TTC39A: variants seen among roughly 807,000 people sequenced by gnomAD.
The protein encoded by TTC39A is tetratricopeptide repeat protein 39A.
Under a neutral mutation model 82.3 loss-of-function variants are expected in TTC39A, and 46 were observed. The observed-to-expected ratio is 0.56, with a 90% CI of 0.44 to 0.71. The LOEUF is 0.71. TTC39A is among the 30% of genes least tolerant of loss of function. TTC39A has a pLI of 0.00. For synonymous variants in TTC39A, 254 were observed against 275.2 expected (o/e 0.92, Z 0.76); for missense variants, 543 against 712.9 (o/e 0.76, Z 2.71).
intron 1 of TTC39A, chr1:51,344,873 G>T: frequency 7.7e-7 from 1 of 1,293,206 alleles, no homozygotes. Flanking sequence ...ACGCCCAGCA[G>T]CCACACACCC....
intron 12 of TTC39A, chr1:51,301,354 C>T (rs1302070514): frequency 1.8e-6 from 1 of 549,334 alleles, no homozygotes; most frequent in African/African-American, 1.9e-5. Context: ...AGCCATGTTT[C>T]TGTCCTTTGT....
intron 3 of TTC39A, among the ~76,000 whole-genome samples, chr1:51,312,461 C>A (rs906267095): frequency 1.3e-5 from 2 of 152,192 alleles, no homozygotes; most frequent in Admixed American, 6.5e-5. Flanking sequence ...TCCTGGTCAA[C>A]CCGCTTCCTG....
In TTC39A at chr1:51,288,816, G is replaced by T; in HGVS notation, c.1610+23C>A. The T allele has an allele frequency of 6.3e-7, 1 of 1,575,456 alleles. No individual in the cohort carries two copies. Among genetic ancestry groups the T allele is most frequent in the Non-Finnish European group, 8.6e-7 (1 of 1,159,124 alleles). ...CTGAGTTCAGAGGGAGCAAAGGACA[G>T]ACTGAGGTTACCCAAGCCTTACTTG... On this transcript the variant is annotated intron_variant, in intron 17 of 17. Coordinates refer to ENST00000680483, the MANE Select transcript of TTC39A (RefSeq NM_001297663.2). This position sits in a 1 kb window ranked among gnomAD's most constrained non-coding sequence, Gnocchi z 4.8.
chr1:51,311,099 G>A (rs1228418813), intron 5 of TTC39A, among the ~76,000 whole-genome samples, 155 bp downstream of exon 5: 1 of 152,252 alleles, frequency 6.6e-6, no homozygotes, highest in African/African-American at 2.4e-5. Flanking sequence ...CCCGCCAGGG[G>A]CAGGAGTGTG....
upstream of TTC39A, chr1:51,335,085 C>T (rs1041330606): frequency 2.0e-5 from 3 of 152,294 alleles, no homozygotes; most frequent in Non-Finnish European, 4.4e-5. Context: ...TGCCTTCCTC[C>T]TGTCAGGAGA....
intron 14 of TTC39A, among the ~76,000 whole-genome samples, chr1:51,292,137 T>A (rs1313734335): frequency 6.6e-6 from 1 of 151,902 alleles, no homozygotes; most frequent in Non-Finnish European, 1.5e-5. Flanking sequence ...TGAGCTGATA[T>A]CACCACTACA....
At chr1:51,330,763 C>T, upstream of TTC39A, 1 of 464,044 alleles carries the variant, frequency 2.2e-6, no homozygotes, top group Non-Finnish European at 3.2e-6. The surrounding 1 kb of genome is among the most constrained non-coding windows in gnomAD (Gnocchi z 4.5). Flanking sequence ...GCGCAGACAC[C>T]GCCCGGGCCG....
At chr1:51,341,243 T>C (rs967030453) in intron 1 of TTC39A, among the ~76,000 whole-genome samples, 1 of 130,194 alleles carries the variant, frequency 7.7e-6, no homozygotes, top group African/African-American at 3.0e-5. Context: ...CCCAGAGTAC[T>C]TCTCACTGCT....
At chr1:51,302,643 C>T in intron 9 of TTC39A, 70 bp from the exon 10 acceptor site, 2 of 1,514,570 alleles carry the variant, frequency 1.3e-6, no homozygotes, top group Non-Finnish European at 1.8e-6. Context: ...GCCAGCAACC[C>T]AGCAGGGGCT....
chr1:51,311,720 T>A (rs926020072), intron 4 of TTC39A, among the ~76,000 whole-genome samples: 3 of 152,226 alleles, frequency 2.0e-5, no homozygotes, highest in African/African-American at 7.2e-5. Flanking sequence ...AGACCACTTC[T>A]TCTCATGTTG....
At chr1:51,324,656 G>T (rs1487307369) in intron 1 of TTC39A, among the ~76,000 whole-genome samples, 2 of 151,994 alleles carry the variant, frequency 1.3e-5, no homozygotes, top group Non-Finnish European at 2.9e-5. Flanking sequence ...CAAGCAGCTG[G>T]GATGACAGGT....
intron 14 of TTC39A, among the ~76,000 whole-genome samples, chr1:51,293,018 C>T (rs180942732): frequency 2.1e-3 from 325 of 151,932 alleles, no homozygotes; most frequent in African/African-American, 7.4e-3. Flanking sequence ...TGCCCTTGCC[C>T]TTCCTACAAT....
At chr1:51,302,096 C>T (rs769270367) in intron 11 of TTC39A, 6 of 721,814 alleles carry the variant, frequency 8.3e-6, no homozygotes, top group Non-Finnish European at 1.3e-5. Flanking sequence ...CACCTCCCTC[C>T]ACCTCCCTCC....
At chr1:51,322,009 T>A in intron 1 of TTC39A, 184 bp from the exon 2 acceptor site, 3 of 1,441,448 alleles carry the variant, frequency 2.1e-6, no homozygotes, top group Non-Finnish European at 2.8e-6. Flanking sequence ...CTCTTGGTGT[T>A]CCCAAGGGTG....
intron 1 of TTC39A, among the ~76,000 whole-genome samples, chr1:51,324,874 C>G (rs1645654756): frequency 6.6e-6 from 1 of 152,120 alleles, no homozygotes; most frequent in South Asian, 2.1e-4. Context: ...CTCATCCCCA[C>G]CTCTAGGTAG....
intron 1 of TTC39A, among the ~76,000 whole-genome samples, chr1:51,322,625 G>A (rs1645571233): frequency 6.6e-6 from 1 of 152,000 alleles, no homozygotes; most frequent in Non-Finnish European, 1.5e-5. Context: ...AAGAGTCTAA[G>A]GCTAGGAAAG....
chr1:51,296,189 C>G lies in TTC39A; in HGVS notation c.1054-19G>C. The G allele has an allele frequency of 6.4e-7, 1 of 1,572,948 alleles. No homozygotes were observed. The highest frequency in any genetic ancestry group is 8.6e-7 in the Non-Finnish European group (1 of 1,158,900). On this transcript the variant is annotated intron_variant, in intron 12 of 17. Transcript: ENST00000680483. ...AGGTGGCCTGTGCGAGACAGAGCAA[C>G]AGCCAGGTGTGAGCAGCCCTCCTCC... is the stretch of plus-strand genomic sequence containing the variant.
rs576586060 is a variant in TTC39A at position 51,324,262 on chromosome 1, G to C, written c.42-2437C>G. Among the ~76,000 whole-genome samples, 3 of 152,280 alleles carry C rather than the reference G, an allele frequency of 2.0e-5. No individual in the cohort carries two copies. In the South Asian group the frequency reaches 6.2e-4, roughly 32 times the overall value. On this transcript the variant is annotated intron_variant, in intron 1 of 17. Coordinates refer to ENST00000680483, the MANE Select transcript of TTC39A (RefSeq NM_001297663.2). ...CTATTCACTGAGGCTGTAGCCCTTG[G>C]AGGGTCCCAGATTTAAGTGTTGAGT...
chr1:51,312,116 C>T lies in TTC39A; in HGVS notation c.355+3G>A, dbSNP rs772105283. The T allele has an allele frequency of 6.2e-6, 10 of 1,610,394 alleles. No individual in the cohort carries two copies. Among genetic ancestry groups the T allele is most frequent in the South Asian group, 4.4e-5 (4 of 90,030 alleles). Reference sequence around the variant, plus strand: ...GGTTGAAAGGATGTCCTGGATGCCACACCTTCAGTGAATTGGCCCAGCGTG... The same window carrying T: ...GGTTGAAAGGATGTCCTGGATGCCATACCTTCAGTGAATTGGCCCAGCGTG... On this transcript the variant is annotated splice_donor_region_variant and intron_variant, in intron 4 of 17. Transcript: ENST00000680483.
Sources: gnomAD v4.1 joint callset for allele counts (sites outside exome capture counted in the v4.1 genomes callset) on GRCh38, gnomAD v4.1.1 for gene constraint, Gnocchi (gnomAD v3.1) non-coding constraint, MANE v1.5 for transcripts, NCBI Gene and HGNC (gene_info 2026-07-23, HGNC 2026-07-21) for gene names.